The following CLASP1 variants were observed in gnomAD, a reference collection of about 807,000 sequenced individuals.
CLASP1 encodes CLIP-associating protein 1.
In CLASP1, 38 loss-of-function variants were observed where a neutral mutation model predicts 192.3. That is an observed-to-expected ratio of 0.20 (90% CI 0.15 to 0.26). The LOEUF (loss-of-function observed/expected upper bound fraction) is 0.26, where lower values mean the gene tolerates loss of function less well. Among genes scored for constraint, CLASP1 ranks in the 10% least tolerant of loss-of-function variants. The pLI is 1.00. For missense variants in CLASP1, 1,433 were observed against 1,932.5 expected, an observed-to-expected ratio of 0.74 and a Z score of 4.85; for synonymous variants, 691 against 712.8, an observed-to-expected ratio of 0.97 and a Z score of 0.49.
intron 23 of CLASP1, 148 bp downstream of exon 23, chr2:121,418,474 G>A (rs1245079155): frequency 6.3e-6 from 4 of 630,698 alleles, no homozygotes; most frequent in South Asian, 3.9e-5. Context: ...TGCAGAGGGG[G>A]ACAAGGGGTA....
chr2:121,528,617 C>A, intron 4 of CLASP1, 60 bp downstream of exon 4: 1 of 1,277,280 alleles, frequency 7.8e-7, no homozygotes, highest in Non-Finnish European at 1.1e-6. Context: ...CACACACACC[C>A]TCGCACGTGC....
chr2:121,365,307 C>G (rs779119342), intron 35 of CLASP1, 23 bp from the exon 37 acceptor site: 4 of 1,599,408 alleles, frequency 2.5e-6, no homozygotes, highest in African/African-American at 2.7e-5. Context: ...ACCAGACATA[C>G]GTCACCTCGT....
chr2:121,550,497 C>T (rs913791403), intron 2 of CLASP1, among the ~76,000 whole-genome samples: 19 of 152,006 alleles, frequency 1.2e-4, no homozygotes, highest in Middle Eastern at 6.8e-3. Flanking sequence ...AGGCTGCTAG[C>T]TAGACTAACA....
chr2:121,571,371 T>C (rs1576099674), intron 2 of CLASP1, among the ~76,000 whole-genome samples: 1 of 152,232 alleles, frequency 6.6e-6, no homozygotes, highest in East Asian at 1.9e-4. Flanking sequence ...TTTGTTTTGC[T>C]TTGGTAGAGA....
intron 14 of CLASP1, among the ~76,000 whole-genome samples, chr2:121,454,511 A>T (rs2086220846): frequency 6.6e-6 from 1 of 152,230 alleles, no homozygotes; most frequent in Non-Finnish European, 1.5e-5. Context: ...GTCTTGGGCC[A>T]CAAATAAAAT....
At chr2:121,562,376 A>G (rs777316927) in intron 2 of CLASP1, among the ~76,000 whole-genome samples, 1 of 152,254 alleles carries the variant, frequency 6.6e-6, no homozygotes, top group Non-Finnish European at 1.5e-5. Context: ...GTGGCCTAGC[A>G]CAAGGCATTC....
intron 1 of CLASP1, among the ~76,000 whole-genome samples, chr2:121,647,842 T>C (rs1041955779): frequency 1.3e-5 from 2 of 152,184 alleles, no homozygotes; most frequent in Admixed American, 1.3e-4. Flanking sequence ...TGGTTAACCT[T>C]ACCTGGGAGA....
intron 2 of CLASP1, among the ~76,000 whole-genome samples, chr2:121,545,534 G>A (rs972431940): frequency 1.3e-5 from 2 of 151,836 alleles, no homozygotes; most frequent in East Asian, 1.9e-4. Context: ...TGTCATTTTC[G>A]TGCTGTAGAA....
chr2:121,620,220 C>CAA (rs201371353), intron 1 of CLASP1, among the ~76,000 whole-genome samples: 2 of 109,532 alleles, frequency 1.8e-5, no homozygotes, highest in African/African-American at 3.4e-5. Flanking sequence ...GATTCTGTCT[C>CAA]AAAAAAAAAA....
At chr2:121,530,013 G>A (rs2094716724) in intron 3 of CLASP1, among the ~76,000 whole-genome samples, 1 of 152,144 alleles carries the variant, frequency 6.6e-6, no homozygotes, top group African/African-American at 2.4e-5. Flanking sequence ...CAGGCCCAGA[G>A]GCCAGGGGAG....
At chr2:121,528,823 G>A (rs1245436828) in intron 3 of CLASP1, 43 bp from the exon 4 acceptor site, 5 of 1,459,056 alleles carry the variant, frequency 3.4e-6, no homozygotes, top group Non-Finnish European at 4.8e-6. Context: ...ACCCTATTTG[G>A]GGGTCTGTGG....
intron 30 of CLASP1, among the ~76,000 whole-genome samples, chr2:121,393,887 AT>A (rs1358265548): frequency 6.6e-6 from 1 of 151,768 alleles, no homozygotes; most frequent in Non-Finnish European, 1.5e-5. Flanking sequence ...AAAAAAAAAA[AT>A]CCAGAGGGTG....
chr2:121,594,270 A>G (rs927769781), intron 2 of CLASP1, among the ~76,000 whole-genome samples: 1 of 150,090 alleles, frequency 6.7e-6, no homozygotes, highest in African/African-American at 2.5e-5. Context: ...ACTGCACTCC[A>G]GCCTGGGCGA....
At chr2:121,392,269 T>C (rs575911633) in intron 30 of CLASP1, among the ~76,000 whole-genome samples, 1 of 152,354 alleles carries the variant, frequency 6.6e-6, no homozygotes, top group African/African-American at 2.4e-5. Flanking sequence ...TCTACTGCCA[T>C]TACCACATTC....
chr2:121,470,013 A>G, intron 8 of CLASP1, 53 bp from the exon 9 acceptor site: 3 of 1,295,798 alleles, frequency 2.3e-6, no homozygotes, highest in Middle Eastern at 2.3e-4. Flanking sequence ...AACTATATAT[A>G]CATATATATA....
At chr2:121,523,082 C>T (rs1247256299) in intron 6 of CLASP1, among the ~76,000 whole-genome samples, 1 of 152,182 alleles carries the variant, frequency 6.6e-6, no homozygotes, top group Non-Finnish European at 1.5e-5. Context: ...AAAGGGGAAA[C>T]TGAGGCTCAA....
chr2:121,500,366 AAGAAAG>A (rs1308137080), intron 8 of CLASP1, among the ~76,000 whole-genome samples: 1 of 144,250 alleles, frequency 6.9e-6, no homozygotes, highest in Non-Finnish European at 1.5e-5. Flanking sequence ...GAAAGAAAGA[AAGAAAG>A]AAAGAAAGAA....
At chr2:121,592,162 T>C (rs922920021) in intron 2 of CLASP1, among the ~76,000 whole-genome samples, 2 of 152,246 alleles carry the variant, frequency 1.3e-5, no homozygotes, top group Non-Finnish European at 2.9e-5. Flanking sequence ...ATCTCACTTA[T>C]ACTCAGATTG....
chr2:121,434,772 T>A (rs907789588), intron 19 of CLASP1, among the ~76,000 whole-genome samples: 4 of 152,076 alleles, frequency 2.6e-5, no homozygotes, highest in Non-Finnish European at 5.9e-5. Context: ...GGTGGATTAC[T>A]TGAGGCTAGG....
Sources: allele counts gnomAD v4.1 joint callset (sites outside exome capture counted in the v4.1 genomes callset), GRCh38; gene constraint gnomAD v4.1.1; transcripts MANE v1.5; gene names NCBI Gene and HGNC (gene_info 2026-07-23, HGNC 2026-07-21).